The following DMD variants were observed in gnomAD, a reference collection of about 807,000 sequenced individuals.
The protein encoded by DMD is mutant dystrophin.
In DMD, 63 loss-of-function variants were observed where a neutral mutation model predicts 330.1. The observed-to-expected ratio is 0.19, with a 90% confidence interval of 0.16 to 0.24. The LOEUF is 0.24. Among genes scored for constraint, DMD ranks in the 10% least tolerant of loss-of-function variants. The probability of loss-of-function intolerance (pLI) is 1.00; values close to 1 mark genes in which losing one functional copy is unlikely to be tolerated. For synonymous variants in DMD, 1,223 were observed against 959.8 expected, an observed-to-expected ratio of 1.27 and a Z score of -5.07; for missense variants, 3,344 against 2,684.1, an observed-to-expected ratio of 1.25 and a Z score of -5.43.
chrX:32,607,953 AG>A (rs1410715523), intron 12 of DMD, among the ~76,000 whole-genome samples: 4 of 109,667 alleles, frequency 3.6e-5, no homozygotes, highest in Admixed American at 9.7e-5. Context: ...TGGAGAGGTC[AG>A]TGTCTTCTCA....
Position 32,814,794 on chromosome X carries a change from T to C in DMD, c.530+1674A>G, listed in dbSNP as rs2077601248. On this transcript the variant is annotated intron_variant, in intron 6 of 78. Coordinates refer to ENST00000357033, the MANE Select transcript of DMD (RefSeq NM_004006.3). Reference sequence around the variant, plus strand: ...AAATAGAATATTAACAAATATAGAGTGGGAACATGCTTGCAGGATTGAAGT... The same window carrying C: ...AAATAGAATATTAACAAATATAGAGCGGGAACATGCTTGCAGGATTGAAGT... Among the ~76,000 whole-genome samples the C allele has an allele frequency of 2.7e-5, 3 of 110,901 alleles. No homozygotes were observed. The South Asian group carries it at 1.2e-3, about 43-fold the overall frequency.
intron 44 of DMD, among the ~76,000 whole-genome samples, chrX:32,210,771 A>G (rs2097090739): frequency 9.0e-6 from 1 of 111,598 alleles, no homozygotes; most frequent in Admixed American, 9.6e-5. Context: ...TGTACAAGTC[A>G]ATGACCTTTC....
chrX:31,834,795 A>C (rs754383806), intron 49 of DMD, among the ~76,000 whole-genome samples: 5 of 111,013 alleles, frequency 4.5e-5, no homozygotes, highest in African/African-American at 9.9e-5. Flanking sequence ...AGACAGGAAT[A>C]AATTTTCCCT....
At chrX:33,233,904 C>T (rs555033504) in intron 1 of DMD, among the ~76,000 whole-genome samples, 90 of 111,968 alleles carry the variant, frequency 8.0e-4, no homozygotes, top group Middle Eastern at 4.6e-3. Flanking sequence ...TGGGGATAAC[C>T]GAGCAAAAGC....
At chrX:33,207,043 C>G (rs184319020) in intron 1 of DMD, among the ~76,000 whole-genome samples, 2 of 110,211 alleles carry the variant, frequency 1.8e-5, no homozygotes, top group African/African-American at 6.6e-5. Flanking sequence ...TCCGAAAGGC[C>G]CCAGGGTGTG....
intron 41 of DMD, among the ~76,000 whole-genome samples, chrX:32,336,244 C>T (rs1345181815): frequency 3.6e-5 from 4 of 110,377 alleles, no homozygotes; most frequent in Admixed American, 2.9e-4. Flanking sequence ...TCTGGAACTC[C>T]TCCTCAAGTG....
At chrX:31,886,902 TACTTCTATAGA>T (rs1251864146) in intron 47 of DMD, among the ~76,000 whole-genome samples, 1 of 112,301 alleles carries the variant, frequency 8.9e-6, no homozygotes, top group Non-Finnish European at 1.9e-5. Flanking sequence ...TACACATGTA[TACTTCTATAGA>T]AAGAGGTTTA....
intron 21 of DMD, among the ~76,000 whole-genome samples, chrX:32,475,538 G>C (rs228400): frequency 9.0e-6 from 1 of 111,477 alleles, no homozygotes; most frequent in Admixed American, 9.6e-5. Flanking sequence ...TTTCAGCAGT[G>C]TTTGGTAGTT....
intron 1 of DMD, among the ~76,000 whole-genome samples, chrX:33,186,486 T>C (rs1328347267): frequency 1.8e-5 from 2 of 110,836 alleles, no homozygotes; most frequent in East Asian, 5.6e-4. Context: ...CAGTCAATGC[T>C]TATATGGGAA....
intron 9 of DMD, among the ~76,000 whole-genome samples, chrX:32,677,833 T>TC (rs2062076684): frequency 9.0e-6 from 1 of 111,613 alleles, no homozygotes; most frequent in African/African-American, 3.3e-5. Context: ...CGATTAAAAA[T>TC]AGTCACGATG....
In DMD at chrX:33,301,060, T is replaced by C. The variant is rs181975174; in HGVS notation, c.7+38199A>G. 3.1e-3 allele frequency among the ~76,000 whole-genome samples: 341 copies of C among 111,672 alleles called. 1 individual carries two copies. Among genetic ancestry groups the C allele is most frequent in the African/African-American group, 0.011 (327 of 30,789 alleles). ...CATGCACTCGCTGTCCTTCAGTATT[T>C]TGCATGAAGCCAAAGGCAGAATATG... is the stretch of plus-strand genomic sequence containing the variant. On this transcript the variant is annotated intron_variant, in intron 1 of 17. Coordinates refer to the DMD transcript ENST00000288447.
intron 13 of DMD, among the ~76,000 whole-genome samples, chrX:32,580,989 G>T (rs756800809): frequency 9.0e-6 from 1 of 110,556 alleles, no homozygotes; most frequent in South Asian, 3.9e-4. Flanking sequence ...ACCACACCTG[G>T]CTCTTTTTTG....
At chrX:32,729,139 T>C (rs1169766598) in intron 7 of DMD, among the ~76,000 whole-genome samples, 1 of 112,218 alleles carries the variant, frequency 8.9e-6, no homozygotes, top group African/African-American at 3.2e-5. Flanking sequence ...AAATCTGTAA[T>C]TTTTTGAGTA....
intron 7 of DMD, among the ~76,000 whole-genome samples, chrX:32,785,703 T>C (rs1408075225): frequency 8.9e-6 from 1 of 111,768 alleles, no homozygotes; most frequent in Non-Finnish European, 1.9e-5. Context: ...TAATATTCCA[T>C]ATTTTTTAAC....
chrX:32,560,164 T>C (rs1001498956), intron 16 of DMD, among the ~76,000 whole-genome samples: 2 of 101,675 alleles, frequency 2.0e-5, no homozygotes, highest in Admixed American at 2.2e-4. Context: ...TCCACAAAAC[T>C]ACAAAACCTT....
intron 62 of DMD, among the ~76,000 whole-genome samples, chrX:31,311,756 C>T (rs780310045): frequency 1.8e-5 from 2 of 111,314 alleles, no homozygotes; most frequent in Admixed American, 9.6e-5. Flanking sequence ...ACCATTTTCA[C>T]GATATTGATT....
chrX:32,109,391 G>A (rs1190731775), intron 44 of DMD, among the ~76,000 whole-genome samples: 2 of 111,119 alleles, frequency 1.8e-5, no homozygotes, highest in Non-Finnish European at 3.8e-5. Flanking sequence ...AAAGTTAATC[G>A]TGGGGATATC....
intron 49 of DMD, among the ~76,000 whole-genome samples, chrX:31,833,494 G>A (rs769639190): frequency 9.0e-6 from 1 of 111,443 alleles, no homozygotes; most frequent in Non-Finnish European, 1.9e-5. Flanking sequence ...CTACCTATAC[G>A]TCATTAGTAT....
At chrX:31,660,996 A>G (rs889717126) in intron 53 of DMD, among the ~76,000 whole-genome samples, 1 of 112,218 alleles carries the variant, frequency 8.9e-6, no homozygotes, top group Non-Finnish European at 1.9e-5. Flanking sequence ...AAAATTATAA[A>G]TTATAACATA....
Sources: gnomAD v4.1 joint callset for allele counts (sites outside exome capture counted in the v4.1 genomes callset) on GRCh38, gnomAD v4.1.1 for gene constraint, MANE v1.5 for transcripts, NCBI Gene and HGNC (gene_info 2026-07-23, HGNC 2026-07-21) for gene names.